The following EHBP1 variants were observed in gnomAD, a reference collection of about 807,000 sequenced individuals.
EHBP1 encodes EH domain-binding protein 1.
In EHBP1, 55 loss-of-function variants were observed where a neutral mutation model predicts 144.0. The ratio of observed to expected loss-of-function variants is 0.38; its 90% CI spans 0.31 to 0.48. The LOEUF (loss-of-function observed/expected upper bound fraction) is 0.48. Among genes scored for constraint, EHBP1 ranks in the 20% least tolerant of loss-of-function variants. The pLI is 0.98. For synonymous variants in EHBP1, 469 were observed against 472.7 expected (o/e 0.99, Z 0.10); for missense variants, 1,200 against 1,364.2 (o/e 0.88, Z 1.90).
At chr2:62,927,897 A>T (rs1039140613) in intron 10 of EHBP1, among the ~76,000 whole-genome samples, 1 of 152,262 alleles carries the variant, frequency 6.6e-6, no homozygotes, top group African/African-American at 2.4e-5. Context: ...CATGCAAAGT[A>T]TCTTTTCTGA....
At chr2:62,908,032 C>T (rs1026191487) in intron 10 of EHBP1, among the ~76,000 whole-genome samples, 1 of 152,034 alleles carries the variant, frequency 6.6e-6, no homozygotes, top group East Asian at 1.9e-4. Flanking sequence ...AGACTGGGTT[C>T]ATTTCTTCTT....
chr2:62,972,875 T>C (rs1473968488), intron 14 of EHBP1, among the ~76,000 whole-genome samples: 4 of 152,186 alleles, frequency 2.6e-5, no homozygotes, highest in African/African-American at 9.7e-5. Context: ...TCTTGCTACT[T>C]GAGAATTGAA....
At chr2:62,967,284 G>A (rs2058287736) in intron 14 of EHBP1, among the ~76,000 whole-genome samples, 1 of 152,182 alleles carries the variant, frequency 6.6e-6, no homozygotes, top group Non-Finnish European at 1.5e-5. Context: ...CACCTCTACA[G>A]CGGCTCAGAC....
intron 19 of EHBP1, among the ~76,000 whole-genome samples, chr2:63,032,952 T>C (rs1017567831): frequency 6.6e-6 from 1 of 152,222 alleles, no homozygotes; most frequent in African/African-American, 2.4e-5. Context: ...TTTAAGACAA[T>C]TAAACTGCTG....
intron 19 of EHBP1, among the ~76,000 whole-genome samples, chr2:62,997,778 A>G (rs983154191): frequency 3.9e-5 from 6 of 152,166 alleles, no homozygotes; most frequent in Admixed American, 2.6e-4. Context: ...TAGTGAAATC[A>G]GAGCATATTA....
intron 3 of EHBP1, among the ~76,000 whole-genome samples, chr2:62,757,653 C>G (rs193080886): frequency 1.8e-4 from 28 of 152,034 alleles, no homozygotes; most frequent in Admixed American, 6.6e-4. Flanking sequence ...AGGCTGGTCT[C>G]AAACTCCTGA....
chr2:62,914,439 A>G (rs2054453568), intron 10 of EHBP1, among the ~76,000 whole-genome samples: 2 of 152,210 alleles, frequency 1.3e-5, no homozygotes, highest in Admixed American at 6.5e-5. Flanking sequence ...TTTTTCTTCA[A>G]AAATACGTGA....
intron 5 of EHBP1, among the ~76,000 whole-genome samples, chr2:62,772,541 G>A (rs1038791681): frequency 1.3e-5 from 2 of 152,224 alleles, no homozygotes; most frequent in Non-Finnish European, 2.9e-5. Flanking sequence ...TAGATTCACA[G>A]AAATCTAATG....
intron 10 of EHBP1, among the ~76,000 whole-genome samples, chr2:62,887,893 G>T (rs1441993690): frequency 6.6e-6 from 1 of 152,058 alleles, no homozygotes; most frequent in Admixed American, 6.5e-5. Context: ...TTTCTTCAAG[G>T]TCATTGCTCT....
chr2:62,838,530 C>CA (rs1344823279), intron 7 of EHBP1, among the ~76,000 whole-genome samples: 1 of 152,002 alleles, frequency 6.6e-6, no homozygotes, highest in East Asian at 1.9e-4. Flanking sequence ...AAAAGCCCTT[C>CA]AAAAAATCAG....
chr2:62,850,717 C>T (rs1306300088), intron 7 of EHBP1, among the ~76,000 whole-genome samples: 1 of 151,898 alleles, frequency 6.6e-6, no homozygotes, highest in Non-Finnish European at 1.5e-5. Context: ...TACTTTTGGT[C>T]AGGGTAGCAT....
chr2:62,810,027 T>C (rs2044857731), intron 5 of EHBP1, among the ~76,000 whole-genome samples: 1 of 152,208 alleles, frequency 6.6e-6, no homozygotes. Flanking sequence ...GATACACAAC[T>C]TCTAAAATTT....
At chr2:62,675,919 G>GTT (rs11448793) in intron 1 of EHBP1, among the ~76,000 whole-genome samples, 2 of 151,652 alleles carry the variant, frequency 1.3e-5, no homozygotes, top group African/African-American at 4.8e-5. Flanking sequence ...TGGCCCACAA[G>GTT]TTTTTTTTTA....
rs768323831 is a variant in EHBP1, at chr2:62,681,340, G to GTA, written c.-296+7276_-296+7277dup. On this transcript the variant is annotated intron_variant, in intron 1 of 22. Coordinates refer to the EHBP1 transcript ENST00000405015. Reference sequence around the variant, plus strand: ...TATATATTTGTATGTATGTGTGTGTGTATATATATATATATATATAATGTG... The same window carrying GTA: ...TATATATTTGTATGTATGTGTGTGTGTATATATATATATATATATATAATGTG... Among the ~76,000 whole-genome samples the GTA allele has an allele frequency of 4.5e-3, 266 of 58,530 alleles. 23 individuals are homozygous for GTA. Among genetic ancestry groups the GTA allele is most frequent in the East Asian group, 0.035 (83 of 2,360 alleles). 38.4% of individuals were successfully genotyped at this position (58,530 alleles called of 152,430 possible).
At chr2:62,839,654 C>CA (rs577546670) in intron 7 of EHBP1, among the ~76,000 whole-genome samples, 5,382 of 151,080 alleles carry the variant, frequency 0.036, 334 homozygotes, top group African/African-American at 0.12. Flanking sequence ...TCTCAGGATA[C>CA]AAAATCAATG....
At chr2:62,852,618 A>C (rs1286759183) in intron 7 of EHBP1, among the ~76,000 whole-genome samples, 1 of 152,054 alleles carries the variant, frequency 6.6e-6, no homozygotes, top group Admixed American at 6.5e-5. Context: ...ATTTCTTTTT[A>C]TATGTTCAAA....
intron 10 of EHBP1, among the ~76,000 whole-genome samples, chr2:62,910,799 G>A (rs373051956): frequency 1.3e-5 from 2 of 152,182 alleles, no homozygotes; most frequent in East Asian, 3.9e-4. Context: ...TTTTGATGGG[G>A]AATATAAACT....
intron 10 of EHBP1, among the ~76,000 whole-genome samples, chr2:62,910,873 A>C (rs1019441890): frequency 2.0e-5 from 3 of 152,232 alleles, no homozygotes; most frequent in Admixed American, 1.3e-4. Context: ...GTGCACTTTA[A>C]TTGAATAAAT....
intron 5 of EHBP1, among the ~76,000 whole-genome samples, chr2:62,808,893 A>G (rs1391310409): frequency 1.3e-5 from 2 of 152,186 alleles, no homozygotes; most frequent in Admixed American, 6.5e-5. Flanking sequence ...CAGGATGGCT[A>G]CAGTGGGCTG....
Sources: allele counts gnomAD v4.1 joint callset (sites outside exome capture counted in the v4.1 genomes callset), GRCh38; gene constraint gnomAD v4.1.1; transcripts MANE v1.5; gene names NCBI Gene and HGNC (gene_info 2026-07-23, HGNC 2026-07-21).